Variants in TTC38 observed in about 807,000 individuals in gnomAD.
TTC38 encodes the protein tetratricopeptide repeat protein 38.
TTC38 carries 64 observed loss-of-function variants against 64.2 expected under a neutral mutation model. The ratio of observed to expected loss-of-function variants is 1.00; its 90% CI spans 0.81 to 1.23. The LOEUF (loss-of-function observed/expected upper bound fraction) is 1.23. Among genes scored for constraint, TTC38 ranks in the 50% most tolerant of loss-of-function variants. The pLI is 0.00. For missense variants in TTC38, 573 were observed against 615.5 expected (o/e 0.93, Z 0.73); for synonymous variants, 254 against 249.3 (o/e 1.02, Z -0.18).
At position 46,289,439 on chromosome 22, in the gene TTC38, G is replaced by A. The variant is rs2077595868; in HGVS notation, c.1120G>A (p.Asp374Asn). The stretch of plus-strand genomic sequence containing the variant: ...GAACTGCCAGCACCTCCTGGCCCGA[G>A]ACGTGGGGCTGCCCCTGTGCCAGGC... Reference protein sequence around the residue: ...GENCQHLLARDVGLPLCQALV... With the variant: ...GENCQHLLARNVGLPLCQALV... The change falls in exon 12 of 14, where the codon GAC (aspartate) becomes AAC (asparagine). Residue 374 changes from aspartate (D) to asparagine (N), a missense_variant. Asp to Asn is a conservative substitution (Grantham distance 23). Coordinates refer to ENST00000381031, the MANE Select transcript of TTC38 (RefSeq NM_017931.4). 1 of 1,609,642 alleles carries A rather than the reference G, an allele frequency of 6.2e-7. No individual in the cohort carries two copies. Among genetic ancestry groups the A allele is most frequent in the Admixed American group, 1.7e-5 (1 of 59,958 alleles).
Position 46,271,535 on chromosome 22 carries a change from A to C in TTC38, c.112-800A>C, listed in dbSNP as rs530236232. Among the ~76,000 whole-genome samples, 1 of 148,320 alleles carries C rather than the reference A, an allele frequency of 6.7e-6. No individual in the cohort carries two copies. The highest frequency in any genetic ancestry group is 2.2e-4 in the South Asian group (1 of 4,618). On this transcript the variant is annotated intron_variant, in intron 2 of 13. Coordinates refer to ENST00000381031, the MANE Select transcript of TTC38 (RefSeq NM_017931.4). This position sits in a 1 kb window ranked among gnomAD's most constrained non-coding sequence, Gnocchi z 5.5. ...GCCTTTTTTTTTCCTTTTCTCTGTCACCCAGGCTGGGGTGCAGTGGCACGA... is the reference window on the plus strand; with the variant it reads ...GCCTTTTTTTTTCCTTTTCTCTGTCCCCCAGGCTGGGGTGCAGTGGCACGA...
chr22:46,277,350 A>G (rs372607811), intron 5 of TTC38, among the ~76,000 whole-genome samples: 16 of 152,276 alleles, frequency 1.1e-4, no homozygotes, highest in African/African-American at 3.4e-4. Flanking sequence ...CATGCCTGGA[A>G]TCCCAGCACT....
rs130641 is a variant in TTC38 at position 46,284,868 on chromosome 22, C to CAAAAA, written c.796-355_796-351dup. 4.9e-3 allele frequency among the ~76,000 whole-genome samples: 368 copies of CAAAAA among 74,992 alleles called. 1 individual carries two copies. The highest frequency in any genetic ancestry group is 9.8e-3 in the Middle Eastern group (1 of 102). 49.2% of individuals were successfully genotyped at this position (74,992 alleles called of 152,430 possible). ...TGGGTGACAGAGTGAGACCCCATCTCAAAAAAAAAAAAAAAAAAAAAAGAA... is the reference window on the plus strand; with the variant it reads ...TGGGTGACAGAGTGAGACCCCATCTCAAAAAAAAAAAAAAAAAAAAAAAAAAAGAA... On this transcript the variant is annotated intron_variant, in intron 8 of 13. Transcript: ENST00000381031.
chr22:46,287,934 G>T (rs981499403), intron 10 of TTC38, among the ~76,000 whole-genome samples: 4 of 152,216 alleles, frequency 2.6e-5, no homozygotes, highest in African/African-American at 9.6e-5. Flanking sequence ...AGCCTGCTGC[G>T]GGACAAGGGG....
intron 6 of TTC38, among the ~76,000 whole-genome samples, chr22:46,278,899 A>G (rs948707876): frequency 6.6e-6 from 1 of 152,202 alleles, no homozygotes; most frequent in African/African-American, 2.4e-5. Flanking sequence ...CACTGGATCC[A>G]CGTCTACAGA....
rs2077629265 is a variant in TTC38, at chr22:46,293,260, C to G, written c.*376C>G. ...CAGGTCTTCCAGAGGCAGCCTCCCC[C>G]CACTGCCTGTCCCCGTCCCCACCAG... On this transcript the variant is annotated 3_prime_UTR_variant, in exon 14 of 14. Coordinates refer to ENST00000381031, the MANE Select transcript of TTC38 (RefSeq NM_017931.4). The surrounding 1 kb of genome is among the most constrained non-coding windows in gnomAD (Gnocchi z 6.6). 8.6e-6 allele frequency: 2 copies of G among 232,728 alleles called. No homozygotes were observed. Among genetic ancestry groups the G allele is most frequent in the South Asian group, 1.6e-4 (2 of 12,584 alleles). 14.4% of individuals were successfully genotyped at this position (232,728 alleles called of 1,614,324 possible). A position where few individuals can be genotyped will look rare whatever the true frequency, so the allele number is the denominator to read the frequency against.
chr22:46,268,682 G>T, intron 2 of TTC38, 91 bp downstream of exon 2: 10 of 1,239,742 alleles, frequency 8.1e-6, no homozygotes, highest in Non-Finnish European at 1.0e-5. Context: ...GTTTTGTTTT[G>T]TTTTGTTTTG....
At chr22:46,280,286 G>A (rs1340718806) in intron 6 of TTC38, 2 of 452,074 alleles carry the variant, frequency 4.4e-6, no homozygotes, top group South Asian at 3.2e-5. Context: ...GGCTCAATGG[G>A]TGGAGGCTTA....
intron 7 of TTC38, 107 bp from the exon 8 acceptor site, chr22:46,283,851 CAAAAAAAAAAAAAAA>C (rs58477670): frequency 4.8e-6 from 1 of 209,010 alleles, no homozygotes; most frequent in Non-Finnish European, 8.0e-6. Flanking sequence ...GACTTAGTCT[CAAAAAAAAAAAAAAA>C]AAAAAAAAAA....
Position 46,278,673 on chromosome 22 carries a change from C to A in TTC38, c.615+12C>A. 1 of 1,612,516 alleles carries A rather than the reference C, an allele frequency of 6.2e-7. No individual in the cohort carries two copies. The highest frequency in any genetic ancestry group is 8.5e-7 in the Non-Finnish European group (1 of 1,178,516). On this transcript the variant is annotated intron_variant, in intron 6 of 13. Transcript: ENST00000381031. Reference sequence around the variant, plus strand: ...AACTCGCCAAAGAGGTAAGTGGGTCCTTCCTAAGGTGCCTGACCCCTCAGG... The same window carrying A: ...AACTCGCCAAAGAGGTAAGTGGGTCATTCCTAAGGTGCCTGACCCCTCAGG...
chr22:46,275,194 T>G lies in TTC38; in HGVS notation c.366-54T>G. On this transcript the variant is annotated intron_variant, in intron 4 of 13. Transcript: ENST00000381031. This position sits in a 1 kb window ranked among gnomAD's most constrained non-coding sequence, Gnocchi z 4.5. ...GAGAAACAATGCCTCTTACACTCCC[T>G]GTGTGGGTGGACTATGTGTTCAGCG... is the stretch of plus-strand genomic sequence containing the variant. 4.6e-6 allele frequency: 7 copies of G among 1,535,302 alleles called. No homozygotes were observed. The highest frequency in any genetic ancestry group is 2.2e-4 in the Middle Eastern group (1 of 4,462).
At position 46,281,693 on chromosome 22, in the gene TTC38, T is replaced by TGCA; in HGVS notation, c.714_716dup (p.Gln238dup). On this transcript the variant is annotated inframe_insertion, in exon 7 of 14. Coordinates refer to ENST00000381031, the MANE Select transcript of TTC38 (RefSeq NM_017931.4). The surrounding 1 kb of genome is among the most constrained non-coding windows in gnomAD (Gnocchi z 5.2). ...GAGATCAAGGATGGGTTGGAATTCA[T>TGCA]GCAGCACTCAGAGACCTTCTGGAAG... 1 of 1,614,138 alleles carries TGCA rather than the reference T, an allele frequency of 6.2e-7. No homozygotes were observed. Among genetic ancestry groups the TGCA allele is most frequent in the Non-Finnish European group, 8.5e-7 (1 of 1,180,028 alleles).
Position 46,293,056 on chromosome 22 carries a change from T to C in TTC38, c.*172T>C. 1.7e-6 allele frequency: 1 copy of C among 580,282 alleles called. No homozygotes were observed. The allele number at this position is 580,282 out of a possible 1,614,324, so 35.9% of individuals were successfully genotyped here. A position where few individuals can be genotyped will look rare whatever the true frequency, so the allele number is the denominator to read the frequency against. On this transcript the variant is annotated 3_prime_UTR_variant, in exon 14 of 14. Transcript: ENST00000381031. This position sits in a 1 kb window ranked among gnomAD's most constrained non-coding sequence, Gnocchi z 6.6. ...GTCACGGGTTAATTTTAAATGTGAT[T>C]CCGAATCTCCTTTCAGTCCTCGAGA...
rs1302233426 is a variant in TTC38, at chr22:46,272,148, G to A, written c.112-187G>A. On this transcript the variant is annotated intron_variant, in intron 2 of 13. Coordinates refer to ENST00000381031, the MANE Select transcript of TTC38 (RefSeq NM_017931.4). This position sits in a 1 kb window ranked among gnomAD's most constrained non-coding sequence, Gnocchi z 6.4. ...TGGGACTACAGGCATGCACCACCAC[G>A]CCCCACTAATTTTTCTATTTTTAGT... 3.9e-5 allele frequency among the ~76,000 whole-genome samples: 6 copies of A among 151,916 alleles called. No homozygotes were observed. Among genetic ancestry groups the A allele is most frequent in the African/African-American group, 7.3e-5 (3 of 41,338 alleles).
rs1234482594 is a variant in TTC38, at chr22:46,282,116, G to C, written c.735+398G>C. 1 of 394,582 alleles carries C rather than the reference G, an allele frequency of 2.5e-6. No homozygotes were observed. The allele number at this position is 394,582 out of a possible 1,614,324, so 24.4% of individuals were successfully genotyped here. On this transcript the variant is annotated intron_variant, in intron 7 of 13. Coordinates refer to ENST00000381031, the MANE Select transcript of TTC38 (RefSeq NM_017931.4). This position sits in a 1 kb window ranked among gnomAD's most constrained non-coding sequence, Gnocchi z 4.4. ...GTGGCTAGGGAAGGCATCCTGGAGG[G>C]GGCAACCTCTGAGTTGGCTACTGAA...
intron 13 of TTC38, among the ~76,000 whole-genome samples, chr22:46,290,203 G>C (rs2077603449): frequency 6.6e-6 from 1 of 152,196 alleles, no homozygotes; most frequent in Admixed American, 6.5e-5. Context: ...TGCACGCTTG[G>C]AACACCCTTT....
chr22:46,283,851 CAAAAAA>C (rs58477670), intron 7 of TTC38, 116 bp from the exon 8 acceptor site: 328 of 208,618 alleles, frequency 1.6e-3, no homozygotes, highest in South Asian at 1.9e-3. Flanking sequence ...GACTTAGTCT[CAAAAAA>C]AAAAAAAAAA....
At position 46,292,262 on chromosome 22, in the gene TTC38, TAAACTC is replaced by T. The variant is rs2077621796; in HGVS notation, c.1317-522_1317-517del. ...GCAGTGGTGTGATCACAGTTCACTG[TAAACTC>T]AAACTCCTGGGCTCAAGGAATCTTC... On this transcript the variant is annotated intron_variant, in intron 13 of 13. Coordinates refer to ENST00000381031, the MANE Select transcript of TTC38 (RefSeq NM_017931.4). The surrounding 1 kb of genome is among the most constrained non-coding windows in gnomAD (Gnocchi z 6.5). 2 of 441,256 alleles carry T rather than the reference TAAACTC, an allele frequency of 4.5e-6. No homozygotes were observed. Among genetic ancestry groups the T allele is most frequent in the Non-Finnish European group, 9.0e-6 (2 of 221,588 alleles). The allele number at this position is 441,256 out of a possible 1,614,324, so 27.3% of individuals were successfully genotyped here. A position where few individuals can be genotyped will look rare whatever the true frequency, so the allele number is the denominator to read the frequency against.
At position 46,276,873 on chromosome 22, in the gene TTC38, G is replaced by A. The variant is rs987742798; in HGVS notation, c.539+1452G>A. On this transcript the variant is annotated intron_variant, in intron 5 of 13. Transcript: ENST00000381031. The surrounding 1 kb of genome is among the most constrained non-coding windows in gnomAD (Gnocchi z 4.7). ...TATATATATAAAAAATACTTTCACC[G>A]CAACACCTAGACTGGTGTTTCGCCA... 2.6e-4 allele frequency among the ~76,000 whole-genome samples: 37 copies of A among 139,824 alleles called. No homozygotes were observed. The highest frequency in any genetic ancestry group is 9.1e-4 in the African/African-American group (33 of 36,066). The allele number at this position is 139,824 out of a possible 152,430, so 91.7% of individuals were successfully genotyped here.
Sources: allele counts gnomAD v4.1 joint callset (sites outside exome capture counted in the v4.1 genomes callset), GRCh38; gene constraint gnomAD v4.1.1; non-coding constraint Gnocchi (gnomAD v3.1); transcripts MANE v1.5; gene names NCBI Gene and HGNC (gene_info 2026-07-23, HGNC 2026-07-21).